SYTL4: variants seen among roughly 807,000 people sequenced by gnomAD.
The protein encoded by SYTL4 is synaptotagmin-like protein 4.
Under a neutral mutation model 52.7 loss-of-function variants are expected in SYTL4, and 16 were observed. That is an observed-to-expected ratio of 0.30 (90% confidence interval 0.21 to 0.46). SYTL4 has a LOEUF of 0.46. Ranked by LOEUF, SYTL4 falls within the 20% of genes least tolerant of loss-of-function variation. SYTL4 has a pLI of 1.00. For missense variants in SYTL4, 423 were observed against 519.9 expected, an observed-to-expected ratio of 0.81 and a Z score of 1.81; for synonymous variants, 160 against 186.6, an observed-to-expected ratio of 0.86 and a Z score of 1.16.
At chrX:100,705,134 G>T (rs374636595) in intron 2 of SYTL4, among the ~76,000 whole-genome samples, 1 of 111,740 alleles carries the variant, frequency 8.9e-6, no homozygotes, top group East Asian at 2.8e-4. Flanking sequence ...AGCACTTAAT[G>T]CAATATCTGG....
chrX:100,699,315 C>T (rs1017065507), intron 8 of SYTL4, among the ~76,000 whole-genome samples: 1 of 101,685 alleles, frequency 9.8e-6, no homozygotes, highest in Non-Finnish European at 2.0e-5. Flanking sequence ...TGCAGTGAGC[C>T]GAGATGGCGC....
chrX:100,691,203 T>C lies in SYTL4; in HGVS notation c.546A>G (p.Leu182=). The part of the protein sequence containing the change: ...IQERQKEPSV[L]FEVPKLKSGK... ...CACTTTTCAGCTTTGGCACTTCAAATAGCACACTAGAATAAAAACCAAGAG... is the reference window on the plus strand; with the variant it reads ...CACTTTTCAGCTTTGGCACTTCAAACAGCACACTAGAATAAAAACCAAGAG... Residue 182 remains leucine, a synonymous_variant, in exon 9 of 20, where the codon CTA becomes CTG. Transcript: ENST00000372989. The C allele has an allele frequency of 1.7e-6, 2 of 1,199,169 alleles. No individual in the cohort carries two copies. The highest frequency in any genetic ancestry group is 3.0e-5 in the East Asian group (1 of 33,734).
chrX:100,731,946 G>C (rs1218375526), intron 1 of SYTL4, 58 bp downstream of exon 1: 1 of 110,888 alleles, frequency 9.0e-6, no homozygotes, highest in East Asian at 2.9e-4. Flanking sequence ...AAGGAGCTGG[G>C]GGTCCAGAAG....
chrX:100,702,250 A>T, intron 4 of SYTL4, 143 bp from the exon 5 acceptor site: 1 of 326,113 alleles, frequency 3.1e-6, no homozygotes, highest in South Asian at 7.6e-5. Flanking sequence ...TAGTCTTCCT[A>T]CTCCCATCCG....
At position 100,692,882 on chromosome X, in the gene SYTL4, G is replaced by A. The variant is rs746394984; in HGVS notation, c.540-1673C>T. The stretch of plus-strand genomic sequence containing the variant: ...AATTATCCCTAAATGATCTCATCTA[G>A]TCTCATGGCTTTAAATATCCTCAAT... On this transcript the variant is annotated intron_variant, in intron 8 of 19. Coordinates refer to ENST00000372989, the MANE Select transcript of SYTL4 (RefSeq NM_001370165.1). 5.4e-5 allele frequency among the ~76,000 whole-genome samples: 6 copies of A among 111,266 alleles called. No homozygotes were observed. In the South Asian group the frequency reaches 2.4e-3, roughly 44 times the overall value.
At chrX:100,724,273 G>A (rs1250323385) in intron 2 of SYTL4, among the ~76,000 whole-genome samples, 6 of 105,509 alleles carry the variant, frequency 5.7e-5, no homozygotes, top group African/African-American at 2.1e-4. Flanking sequence ...CGCCCGGCCA[G>A]CCGCCCCATC....
At chrX:100,724,868 T>TTAAAAAAA (rs1398664160) in intron 2 of SYTL4, among the ~76,000 whole-genome samples, 1,067 of 78,555 alleles carry the variant, frequency 0.014, 15 homozygotes, top group Non-Finnish European at 0.019. Context: ...GAATGATCAA[T>TTAAAAAAA]AAAAAGAAAA....
chrX:100,723,933 C>G (rs965754693), intron 2 of SYTL4, among the ~76,000 whole-genome samples: 1 of 101,272 alleles, frequency 9.9e-6, no homozygotes, highest in Non-Finnish European at 2.0e-5. Context: ...GGTCAGCCCC[C>G]GCCAGGCCAG....
At position 100,723,602 on chromosome X, in the gene SYTL4, C is replaced by T. The variant is rs776164389; in HGVS notation, c.-240+7816G>A. ...GCCATCCCATCTAGGAAGTGAGGAG[C>T]GCCTCATCCCGGCCGCCATCCCATC... is the stretch of plus-strand genomic sequence containing the variant. On this transcript the variant is annotated intron_variant, in intron 2 of 19. Coordinates refer to ENST00000372989, the MANE Select transcript of SYTL4 (RefSeq NM_001370165.1). Among the ~76,000 whole-genome samples, 110 of 110,253 alleles carry T rather than the reference C, an allele frequency of 1.0e-3. 1 individual carries two copies. In the Middle Eastern group the frequency reaches 0.014, roughly 14 times the overall value.
intron 3 of SYTL4, among the ~76,000 whole-genome samples, chrX:100,703,438 T>C (rs1388436631): frequency 1.8e-5 from 2 of 112,198 alleles, no homozygotes; most frequent in East Asian, 5.5e-4. Context: ...TGATGTTGCT[T>C]TTTGATGCTG....
chrX:100,718,800 T>C (rs2084279736), intron 2 of SYTL4, among the ~76,000 whole-genome samples: 1 of 37,861 alleles, frequency 2.6e-5, no homozygotes, highest in African/African-American at 5.7e-5. Flanking sequence ...TTTTCACTCC[T>C]TTTTTTTTTT....
Position 100,675,454 on chromosome X carries a change from T to C in SYTL4, c.*574A>G, listed in dbSNP as rs2083260336. On this transcript the variant is annotated 3_prime_UTR_variant, in exon 20 of 20. Coordinates refer to ENST00000372989, the MANE Select transcript of SYTL4 (RefSeq NM_001370165.1). ...TAGACCAAAGCAAGGTGGAAACTGC[T>C]TAAAAACTAGAAAAGTTAAATTTAA... 8.9e-6 allele frequency: 1 copy of C among 112,763 alleles called. No individual in the cohort carries two copies. The highest frequency in any genetic ancestry group is 1.9e-5 in the Non-Finnish European group (1 of 53,375). 9.3% of individuals were successfully genotyped at this position (112,763 alleles called of 1,213,427 possible).
At chrX:100,693,648 A>G (rs2083647271) in intron 8 of SYTL4, among the ~76,000 whole-genome samples, 1 of 111,886 alleles carries the variant, frequency 8.9e-6, no homozygotes, top group South Asian at 3.8e-4. Flanking sequence ...TAAATCAGGG[A>G]TAGAACTATC....
At chrX:100,689,789 G>A (rs1443524760) in intron 12 of SYTL4, 67 bp downstream of exon 12, 4 of 682,068 alleles carry the variant, frequency 5.9e-6, no homozygotes, top group East Asian at 6.5e-5. Context: ...AGAATATCAG[G>A]TACTAAAGCC....
At chrX:100,724,487 G>A (rs1331587710) in intron 2 of SYTL4, among the ~76,000 whole-genome samples, 4 of 104,871 alleles carry the variant, frequency 3.8e-5, no homozygotes, top group African/African-American at 1.4e-4. Context: ...TGTGTAGAAA[G>A]AGGTAGACAT....
At chrX:100,731,305 C>G (rs929768384) in intron 2 of SYTL4, 113 bp downstream of exon 2, 1 of 112,038 alleles carries the variant, frequency 8.9e-6, no homozygotes, top group African/African-American at 3.2e-5. Flanking sequence ...TCACAGCCTG[C>G]TTGAAGAGCG....
At chrX:100,680,610 T>A (rs1192395041) in intron 17 of SYTL4, among the ~76,000 whole-genome samples, 1 of 111,163 alleles carries the variant, frequency 9.0e-6, no homozygotes, top group African/African-American at 3.3e-5. Context: ...TTAAAACCTT[T>A]GCGCATGTTA....
intron 14 of SYTL4, 36 bp downstream of exon 14, chrX:100,687,031 G>A (rs760565500): frequency 1.7e-6 from 2 of 1,194,895 alleles, no homozygotes; most frequent in Non-Finnish European, 2.3e-6. Flanking sequence ...CTGGTCTCTG[G>A]TCTCAGAGCA....
In SYTL4 at chrX:100,732,115, C is replaced by A. The variant is rs1330612962; in HGVS notation, c.-439G>T. 8.9e-6 allele frequency: 1 copy of A among 112,207 alleles called. No individual in the cohort carries two copies. 9.2% of individuals were successfully genotyped at this position (112,207 alleles called of 1,213,427 possible). Reference sequence around the variant, plus strand: ...CCCAGCTCCGGCAGCCGGCCCTTCTCACCCTCCCGGGAGGCGGAAAAAGCT... The same window carrying A: ...CCCAGCTCCGGCAGCCGGCCCTTCTAACCCTCCCGGGAGGCGGAAAAAGCT... On this transcript the variant is annotated 5_prime_UTR_variant, in exon 1 of 20. Transcript: ENST00000372989.
Sources: allele counts gnomAD v4.1 joint callset (sites outside exome capture counted in the v4.1 genomes callset), GRCh38; gene constraint gnomAD v4.1.1; transcripts MANE v1.5; gene names NCBI Gene and HGNC (gene_info 2026-07-23, HGNC 2026-07-21).